The following GOLGB1 variants were observed in gnomAD, a reference collection of about 807,000 sequenced individuals.
GOLGB1 encodes the protein golgin B1.
In GOLGB1, 174 loss-of-function variants were observed where a neutral mutation model predicts 336.9. The ratio of observed to expected loss-of-function variants is 0.52; its 90% CI spans 0.46 to 0.59. The LOEUF (loss-of-function observed/expected upper bound fraction) is 0.59. Among genes scored for constraint, GOLGB1 ranks in the 20% least tolerant of loss-of-function variants. The pLI is 0.00. For synonymous variants in GOLGB1, 1,208 were observed against 1,289.2 expected, an observed-to-expected ratio of 0.94 and a Z score of 1.35; for missense variants, 3,331 against 3,645.3, an observed-to-expected ratio of 0.91 and a Z score of 2.22.
intron 10 of GOLGB1, among the ~76,000 whole-genome samples, chr3:121,707,102 C>G (rs1019224074): frequency 6.6e-6 from 1 of 151,484 alleles, no homozygotes. Flanking sequence ...TGGTGGGTGC[C>G]TGTAGTCCCA....
At position 121,714,909 on chromosome 3, in the gene GOLGB1, T is replaced by C. The variant is rs571443640; in HGVS notation, c.1356A>G (p.Glu452=). The C allele has an allele frequency of 6.2e-7, 1 of 1,613,340 alleles. No homozygotes were observed. The highest frequency in any genetic ancestry group is 1.1e-5 in the South Asian group (1 of 91,072). The part of the protein sequence containing the change: ...FLNRLPLQQH[E]TASQTSFPDV... ...CTGGGAAAGAAGTCTGAGATGCTGTTTCATGTTGTTGCAAGGGCAGTCTAT... is the reference window on the plus strand; with the variant it reads ...CTGGGAAAGAAGTCTGAGATGCTGTCTCATGTTGTTGCAAGGGCAGTCTAT... The change falls in exon 10 of 22, where the codon GAA becomes GAG. Residue 452 remains glutamate, a synonymous_variant. Coordinates refer to ENST00000614479, the MANE Select transcript of GOLGB1 (RefSeq NM_001366282.2).
rs200931125 is a variant in GOLGB1 at position 121,694,131 on chromosome 3, C to T, written c.6392G>A (p.Arg2131Lys). ...MKQKDEDLER[R>K]LEQAEEKHLK... ...GTGCTTCTCTTCTGCCTGTTCCAGTCTTCGCTCAAGATCTTCATCCTTTTG... is the reference window on the plus strand; with the variant it reads ...GTGCTTCTCTTCTGCCTGTTCCAGTTTTCGCTCAAGATCTTCATCCTTTTG... The change falls in exon 13 of 22, where the codon AGA becomes AAA. Residue 2131 changes from arginine to lysine, a missense_variant. Transcript: ENST00000614479. The T allele has an allele frequency of 6.2e-7, 1 of 1,613,842 alleles. No individual in the cohort carries two copies. Among genetic ancestry groups the T allele is most frequent in the African/African-American group, 1.3e-5 (1 of 74,996 alleles).
intron 6 of GOLGB1, among the ~76,000 whole-genome samples, chr3:121,721,107 AAAAT>A (rs1317838328): frequency 2.0e-5 from 3 of 152,208 alleles, no homozygotes; most frequent in Non-Finnish European, 4.4e-5. Flanking sequence ...GACACAATAA[AAAAT>A]AAATAAAAAA....
chr3:121,680,605 G>T (rs1229790021), intron 15 of GOLGB1, among the ~76,000 whole-genome samples: 1 of 152,008 alleles, frequency 6.6e-6, no homozygotes, highest in Non-Finnish European at 1.5e-5. Context: ...AGGAAGCAGA[G>T]AACTTGAAAA....
chr3:121,674,224 A>G (rs1940005310), intron 17 of GOLGB1, among the ~76,000 whole-genome samples: 1 of 151,428 alleles, frequency 6.6e-6, no homozygotes. Context: ...CTTCCTTTCC[A>G]ATCTGGATGT....
chr3:121,703,087 G>A (rs1311406706), intron 10 of GOLGB1, among the ~76,000 whole-genome samples: 1 of 152,048 alleles, frequency 6.6e-6, no homozygotes, highest in Middle Eastern at 3.2e-3. Context: ...AAATTCCCTT[G>A]GCTTAATTTA....
intron 17 of GOLGB1, among the ~76,000 whole-genome samples, chr3:121,672,725 T>C (rs1939717813): frequency 1.3e-5 from 2 of 152,278 alleles, no homozygotes; most frequent in Admixed American, 1.3e-4. Context: ...TCCTGAAGCA[T>C]TTCCACAAGT....
At chr3:121,687,245 G>A (rs939459411) in intron 14 of GOLGB1, among the ~76,000 whole-genome samples, 7 of 152,176 alleles carry the variant, frequency 4.6e-5, no homozygotes, top group Non-Finnish European at 7.4e-5. Flanking sequence ...CTGGGTGAGA[G>A]AGCAAGACTC....
chr3:121,672,546 G>A (rs1939692035), intron 17 of GOLGB1, among the ~76,000 whole-genome samples: 1 of 152,168 alleles, frequency 6.6e-6, no homozygotes, highest in Non-Finnish European at 1.5e-5. Flanking sequence ...TGTTAGATGG[G>A]TAGTTTGCAA....
chr3:121,732,000 G>T (rs555059025), intron 1 of GOLGB1, among the ~76,000 whole-genome samples: 81 of 152,218 alleles, frequency 5.3e-4, no homozygotes, highest in African/African-American at 1.6e-3. Flanking sequence ...CATCATTAAT[G>T]ATCTAACATA....
intron 17 of GOLGB1, among the ~76,000 whole-genome samples, chr3:121,676,307 A>G (rs1232631862): frequency 1.3e-5 from 2 of 152,144 alleles, no homozygotes; most frequent in African/African-American, 2.4e-5. Context: ...GATCTTTTTA[A>G]TTTTTGGATC....
rs144001246 is a variant in GOLGB1, at chr3:121,740,249, T to C, written c.-2-9276A>G. Among the ~76,000 whole-genome samples the C allele has an allele frequency of 3.3e-5, 5 of 152,348 alleles. No individual in the cohort carries two copies. In the East Asian group the frequency reaches 9.6e-4, roughly 29 times the overall value. The stretch of plus-strand genomic sequence containing the variant: ...TATACAAGTAAAACTGGGGAATATA[T>C]CTATCTCAATATCCTAATTGTGATA... On this transcript the variant is annotated intron_variant, in intron 1 of 21. Coordinates refer to ENST00000614479, the MANE Select transcript of GOLGB1 (RefSeq NM_001366282.2).
At chr3:121,724,313 G>A (rs1201423432) in intron 5 of GOLGB1, among the ~76,000 whole-genome samples, 1 of 152,156 alleles carries the variant, frequency 6.6e-6, no homozygotes, top group East Asian at 1.9e-4. Flanking sequence ...GCCCATTCTG[G>A]TGAGGCTTCA....
In GOLGB1 at chr3:121,692,322, T is replaced by C; in HGVS notation, c.7042A>G (p.Arg2348Gly). ...EQKGNLEGIIRQQEADIQNSK... is the reference protein window; with the variant it reads ...EQKGNLEGIIGQQEADIQNSK... ...TTTTGAATATCAGCCTCTTGCTGCC[T>C]TATGATCCCTTCCAAGTTTCCTTTT... is the stretch of plus-strand genomic sequence containing the variant. Residue 2348 changes from arginine (R) to glycine (G), a missense_variant, in exon 14 of 22, where the codon AGG becomes GGG. Transcript: ENST00000614479. 2 of 1,610,296 alleles carry C rather than the reference T, an allele frequency of 1.2e-6. No individual in the cohort carries two copies. Among genetic ancestry groups the C allele is most frequent in the African/African-American group, 2.7e-5 (2 of 74,568 alleles).
rs1210149820 is a variant in GOLGB1 at position 121,694,817 on chromosome 3, T to G, written c.5706A>C (p.Leu1902Phe). The G allele has an allele frequency of 1.9e-6, 3 of 1,613,824 alleles. No homozygotes were observed. The Admixed American group carries it at 5.0e-5, about 27-fold the overall frequency. Residue 1902 changes from leucine to phenylalanine, a missense_variant, in exon 13 of 22, where the codon TTA becomes TTC. Coordinates refer to ENST00000614479, the MANE Select transcript of GOLGB1 (RefSeq NM_001366282.2). ...AGAGTTCTTCTTGGATTTGCTGATT[T>G]AACAGGTTCATTTTGGTTACTTCCT... is the stretch of plus-strand genomic sequence containing the variant. ...LQEEVTKMNL[L>F]NQQIQEELSR...
chr3:121,676,809 CTA>C, intron 17 of GOLGB1, 82 bp downstream of exon 17: 2 of 1,177,464 alleles, frequency 1.7e-6, no homozygotes, highest in South Asian at 1.3e-5. Flanking sequence ...AGCTGGGACT[CTA>C]TGCTGAATTG....
chr3:121,703,742 A>C (rs1368787712), intron 10 of GOLGB1, among the ~76,000 whole-genome samples: 2 of 152,234 alleles, frequency 1.3e-5, no homozygotes, highest in African/African-American at 4.8e-5. Context: ...AATTCAAAAC[A>C]AAACCATTCA....
Position 121,697,662 on chromosome 3 carries a change from AC to A in GOLGB1, c.2860del (p.Val954TrpfsTer18). The stretch of plus-strand genomic sequence containing the variant: ...AGAAGAAACTTCATTATCTTCTTCC[AC>A]CTGCTCTTTTTTTGCTTCCTCAGCT... Reference protein sequence around the residue: ...SRAEEAKKEQVEEDNEVSSGL... With the variant: ...SRAEEAKKEQXEEDNEVSSGL... On this transcript the variant is annotated frameshift_variant, in exon 13 of 22. Coordinates refer to ENST00000614479, the MANE Select transcript of GOLGB1 (RefSeq NM_001366282.2). LOFTEE classifies it high-confidence loss of function. The A allele has an allele frequency of 6.2e-7, 1 of 1,612,548 alleles. No homozygotes were observed. Among genetic ancestry groups the A allele is most frequent in the Non-Finnish European group, 8.5e-7 (1 of 1,179,716 alleles).
At chr3:121,712,978 A>G (rs1425331596) in intron 10 of GOLGB1, among the ~76,000 whole-genome samples, 1 of 152,168 alleles carries the variant, frequency 6.6e-6, no homozygotes, top group Non-Finnish European at 1.5e-5. Flanking sequence ...CCTGGCCAAC[A>G]TGGTGAAACC....
Sources: gnomAD v4.1 joint callset for allele counts (sites outside exome capture counted in the v4.1 genomes callset) on GRCh38, gnomAD v4.1.1 for gene constraint, MANE v1.5 for transcripts, NCBI Gene and HGNC (gene_info 2026-07-23, HGNC 2026-07-21) for gene names.